UEVLD: variants seen among roughly 807,000 people sequenced by gnomAD.
UEVLD encodes the protein ubiquitin-conjugating enzyme E2 variant 3.
In UEVLD, 47 loss-of-function variants were observed where a neutral mutation model predicts 58.6. The observed-to-expected ratio is 0.80, with a 90% CI of 0.63 to 1.02. The LOEUF (loss-of-function observed/expected upper bound fraction) is 1.02, where lower values mean the gene tolerates loss of function less well. Ranked by LOEUF, UEVLD falls within the 50% of genes least tolerant of loss-of-function variation. The pLI, the probability that UEVLD is intolerant of heterozygous loss-of-function variation, is 0.00. For missense variants in UEVLD, 510 were observed against 550.6 expected, an observed-to-expected ratio of 0.93 and a Z score of 0.74; for synonymous variants, 197 against 195.3, an observed-to-expected ratio of 1.01 and a Z score of -0.07.
intron 6 of UEVLD, among the ~76,000 whole-genome samples, chr11:18,563,431 A>G (rs1410136781): frequency 2.0e-5 from 3 of 151,982 alleles, no homozygotes; most frequent in African/African-American, 4.8e-5. Context: ...TCTCTACAAA[A>G]AAATACAAGA....
chr11:18,551,710 C>T (rs1851538044), intron 7 of UEVLD, among the ~76,000 whole-genome samples: 1 of 152,110 alleles, frequency 6.6e-6, no homozygotes, highest in African/African-American at 2.4e-5. Flanking sequence ...ATCTGTGTTA[C>T]CAGGACACAA....
intron 6 of UEVLD, chr11:18,564,036 G>A (rs1852172918): frequency 3.3e-6 from 1 of 304,130 alleles, no homozygotes; most frequent in South Asian, 3.0e-5. Context: ...AGGTGATAGT[G>A]TATTCAAATG....
chr11:18,546,895 C>T lies in UEVLD; in HGVS notation c.871G>A (p.Val291Ile), dbSNP rs149939458. 9.8e-5 allele frequency: 158 copies of T among 1,612,732 alleles called. No individual in the cohort carries two copies. The African/African-American group carries it at 1.7e-3, about 17-fold the overall frequency. Reference sequence around the variant, plus strand: ...AGCATTTTACCTGGTTGAGATGCAACGAGCAGGACACTGTGTTGACTATAA... The same window carrying T: ...AGCATTTTACCTGGTTGAGATGCAATGAGCAGGACACTGTGTTGACTATAA... Reference protein sequence around the residue: ...GHYSQHSVLLVASQPVEIMTY... With the variant: ...GHYSQHSVLLIASQPVEIMTY... Residue 291 changes from valine to isoleucine, a missense_variant, in exon 8 of 12, where the codon GTT becomes ATT. Physicochemically the swap from Val to Ile is conservative, Grantham distance 29. Transcript: ENST00000396197.
At position 18,558,228 on chromosome 11, in the gene UEVLD, CT is replaced by C. The variant is rs748279590; in HGVS notation, c.714del (p.Asp239IlefsTer11). The stretch of plus-strand genomic sequence containing the variant: ...ACATCTTTAAGCAGAATAAACAGAC[CT>C]TTGCTGATCTCCACATTAGGAAGGT... The part of the protein sequence containing the change: ...IFNLPNVEIS[K>X]DLSASAHSKV... On this transcript the variant is annotated frameshift_variant and splice_region_variant, in exon 7 of 12. Coordinates refer to ENST00000396197, the MANE Select transcript of UEVLD (RefSeq NM_001040697.4). LOFTEE classifies it high-confidence loss of function. The C allele has an allele frequency of 5.6e-6, 9 of 1,609,930 alleles. No homozygotes were observed. Among genetic ancestry groups the C allele is most frequent in the Non-Finnish European group, 7.6e-6 (9 of 1,178,092 alleles).
At chr11:18,575,636 T>C (rs1484874230) in intron 2 of UEVLD, among the ~76,000 whole-genome samples, 4 of 152,198 alleles carry the variant, frequency 2.6e-5, no homozygotes, top group African/African-American at 9.7e-5. Context: ...TACAGGACTT[T>C]GATACTGAAA....
chr11:18,545,054 A>G (rs1851238248), intron 8 of UEVLD, among the ~76,000 whole-genome samples: 1 of 28,170 alleles, frequency 3.5e-5, no homozygotes, highest in African/African-American at 1.1e-4. Context: ...ATCTATATCT[A>G]TATCTATATC....
chr11:18,580,372 G>A (rs751963158), intron 1 of UEVLD, among the ~76,000 whole-genome samples: 16 of 151,920 alleles, frequency 1.1e-4, no homozygotes, highest in Non-Finnish European at 1.8e-4. Context: ...ATACACCCAA[G>A]AAAAATGAAA....
At chr11:18,582,013 C>T (rs1181459997) in intron 1 of UEVLD, among the ~76,000 whole-genome samples, 1 of 152,110 alleles carries the variant, frequency 6.6e-6, no homozygotes, top group Non-Finnish European at 1.5e-5. Flanking sequence ...AGATTCAGTG[C>T]CCATGATTCA....
Position 18,530,176 on chromosome 11 carries a change from CAAGA to C in UEVLD, c.*2140_*2143del, listed in dbSNP as rs1269588104. On this transcript the variant is annotated 3_prime_UTR_variant, in exon 12 of 12. Coordinates refer to ENST00000396197, the MANE Select transcript of UEVLD (RefSeq NM_001040697.4). ...TTAGAAAAGGCTAGTTTTAAAAACA[CAAGA>C]AATAGTTCTTTCAGTTTTACTTTCC... The C allele has an allele frequency of 6.6e-6, 1 of 152,106 alleles. No individual in the cohort carries two copies. The highest frequency in any genetic ancestry group is 2.4e-5 in the African/African-American group (1 of 41,414). The allele number at this position is 152,106 out of a possible 1,614,324, so 9.4% of individuals were successfully genotyped here.
At chr11:18,573,753 CA>C (rs1174912218) in intron 3 of UEVLD, among the ~76,000 whole-genome samples, 1 of 152,074 alleles carries the variant, frequency 6.6e-6, no homozygotes, top group East Asian at 1.9e-4. Context: ...AGCAACAAGT[CA>C]TGACTGGGGG....
intron 9 of UEVLD, among the ~76,000 whole-genome samples, chr11:18,543,779 T>C (rs1368874813): frequency 1.3e-5 from 2 of 152,164 alleles, no homozygotes; most frequent in Admixed American, 1.3e-4. Context: ...TCAAGTTAAA[T>C]AGGGAAAGCA....
rs1178847840 is a variant in UEVLD at position 18,546,970 on chromosome 11, C to G, written c.796G>C (p.Val266Leu). The G allele has an allele frequency of 1.9e-6, 3 of 1,613,958 alleles. No homozygotes were observed. The African/African-American group carries it at 4.0e-5, about 22-fold the overall frequency. Residue 266 changes from valine (V) to leucine (L), a missense_variant, in exon 8 of 12, where the codon GTA becomes CTA. Transcript: ENST00000396197. Reference protein sequence around the residue: ...LGSSQSYLDVVQSNVDMFRAL... With the variant: ...LGSSQSYLDVLQSNVDMFRAL... ...CTGAACATATCCACATTGCTCTGTACCACATCAAGGTACGACTGAGAACTA... is the reference window on the plus strand; with the variant it reads ...CTGAACATATCCACATTGCTCTGTAGCACATCAAGGTACGACTGAGAACTA...
chr11:18,570,188 C>A (rs2134035669), intron 4 of UEVLD, 26 bp downstream of exon 4: 1 of 1,524,952 alleles, frequency 6.6e-7, no homozygotes. Context: ...AAAAAGCTTT[C>A]TGTAGAAAAT....
At chr11:18,577,318 C>T (rs760686716) in intron 2 of UEVLD, among the ~76,000 whole-genome samples, 17 of 152,206 alleles carry the variant, frequency 1.1e-4, no homozygotes, top group Non-Finnish European at 2.1e-4. Flanking sequence ...AGAAAAACTG[C>T]CAGCATTGCT....
rs777177233 is a variant in UEVLD, at chr11:18,532,279, C to A, written c.*41G>T. Reference sequence around the variant, plus strand: ...TATAGGTAAAATTAAATGACTTTTCCCTTTAGGTAGAAGTCCAGCCTCTCA... The same window carrying A: ...TATAGGTAAAATTAAATGACTTTTCACTTTAGGTAGAAGTCCAGCCTCTCA... On this transcript the variant is annotated 3_prime_UTR_variant, in exon 12 of 12. Transcript: ENST00000396197. The A allele has an allele frequency of 3.0e-5, 47 of 1,542,034 alleles. No individual in the cohort carries two copies. Among genetic ancestry groups the A allele is most frequent in the Admixed American group, 1.3e-4 (6 of 47,802 alleles).
Position 18,588,683 on chromosome 11 carries a change from G to T in UEVLD, c.-29C>A. On this transcript the variant is annotated 5_prime_UTR_variant, in exon 1 of 12. In the 5' UTR this introduces an upstream ATG that the reference lacks. Coordinates refer to ENST00000396197, the MANE Select transcript of UEVLD (RefSeq NM_001040697.4). ...CAGGCCGGTCCCGAGCTAGGTCCCA[G>T]GACTCCAGCCCCCGGACCTTCTTCC... The T allele has an allele frequency of 6.2e-7, 1 of 1,605,130 alleles. No individual in the cohort carries two copies.
At chr11:18,555,460 T>C (rs916260045) in intron 7 of UEVLD, among the ~76,000 whole-genome samples, 3 of 150,346 alleles carry the variant, frequency 2.0e-5, no homozygotes, top group Non-Finnish European at 4.4e-5. Flanking sequence ...TGGTGACGCA[T>C]GCCTGTGGTC....
chr11:18,586,099 T>C (rs1041609568), intron 1 of UEVLD, among the ~76,000 whole-genome samples: 1 of 152,242 alleles, frequency 6.6e-6, no homozygotes, highest in African/African-American at 2.4e-5. Flanking sequence ...GGGATATCTA[T>C]TTAATTAGAT....
intron 6 of UEVLD, chr11:18,563,800 T>C: frequency 1.9e-6 from 1 of 517,494 alleles, no homozygotes; most frequent in South Asian, 7.1e-5. Flanking sequence ...AGGTCAGAAG[T>C]TCGAGACCAG....
Sources: gnomAD v4.1 joint callset for allele counts (sites outside exome capture counted in the v4.1 genomes callset) on GRCh38, gnomAD v4.1.1 for gene constraint, MANE v1.5 for transcripts, NCBI Gene and HGNC (gene_info 2026-07-23, HGNC 2026-07-21) for gene names.